VEPH1: variants seen among roughly 807,000 people sequenced by gnomAD.
The protein encoded by VEPH1 is ventricular zone expressed PH domain containing 1.
VEPH1 carries 80 observed loss-of-function variants against 85.2 expected under a neutral mutation model. The observed-to-expected ratio is 0.94, with a 90% CI of 0.78 to 1.13. VEPH1 has a LOEUF of 1.13. Ranked by LOEUF, VEPH1 falls within the 50% of genes most tolerant of loss-of-function variation. The pLI is 0.00. For synonymous variants in VEPH1, 297 were observed against 348.0 expected (o/e 0.85, Z 1.63); for missense variants, 955 against 980.5 (o/e 0.97, Z 0.35).
Position 157,413,893 on chromosome 3 carries a change from C to A in VEPH1, c.894G>T (p.Gly298=). ...GQMARIYGAV[G]HVDEERARSC... ...AAGCCAAACTTACTTCATCCACATG[C>A]CCAACAGCTCCATAAATCCTTGCCA... The change falls in exon 6 of 14, where the codon GGG becomes GGT. Residue 298 remains glycine (G), a synonymous_variant. Transcript: ENST00000362010. 1 of 1,613,248 alleles carries A rather than the reference C, an allele frequency of 6.2e-7. No individual in the cohort carries two copies. The highest frequency in any genetic ancestry group is 8.5e-7 in the Non-Finnish European group (1 of 1,179,456).
Position 157,411,231 on chromosome 3 carries a change from C to T in VEPH1, c.906+2650G>A, listed in dbSNP as rs140603342. Among the ~76,000 whole-genome samples, 451 of 152,260 alleles carry T rather than the reference C, an allele frequency of 3.0e-3. 8 individuals are homozygous for T. The East Asian group carries it at 0.044, about 15-fold the overall frequency. On this transcript the variant is annotated intron_variant, in intron 6 of 13. Coordinates refer to ENST00000362010, the MANE Select transcript of VEPH1 (RefSeq NM_001167912.2). ...GAGCCTGGGTCTCTGAAACATGGCA[C>T]TCTAGAGAGATTGCCTTCTAGACTT...
chr3:157,392,054 G>C (rs1488531052), intron 6 of VEPH1, among the ~76,000 whole-genome samples: 5 of 152,158 alleles, frequency 3.3e-5, no homozygotes, highest in Non-Finnish European at 7.4e-5. Flanking sequence ...GTTAACACTA[G>C]ATCAGCCTTA....
At chr3:157,403,217 G>A (rs1039344030) in intron 6 of VEPH1, among the ~76,000 whole-genome samples, 21 of 151,950 alleles carry the variant, frequency 1.4e-4, no homozygotes, top group African/African-American at 5.1e-4. Context: ...TTCTGGGAAT[G>A]CTTTCAGATC....
intron 7 of VEPH1, among the ~76,000 whole-genome samples, chr3:157,368,383 G>A (rs1480934474): frequency 6.6e-6 from 1 of 152,210 alleles, no homozygotes; most frequent in African/African-American, 2.4e-5. Context: ...GACACTCACT[G>A]ACCCCAAGAG....
At chr3:157,364,280 A>T (rs751468862) in intron 8 of VEPH1, 23 bp downstream of exon 8, 1 of 1,490,480 alleles carries the variant, frequency 6.7e-7, no homozygotes, top group South Asian at 1.2e-5. Flanking sequence ...TATGATTTAA[A>T]AAACAAACCA....
At chr3:157,369,189 A>C (rs1170708855) in intron 7 of VEPH1, among the ~76,000 whole-genome samples, 1 of 143,116 alleles carries the variant, frequency 7.0e-6, no homozygotes. Context: ...TGAAAAAAAA[A>C]AAAAAAAAAA....
intron 6 of VEPH1, among the ~76,000 whole-genome samples, chr3:157,397,009 C>G (rs1456310923): frequency 6.6e-6 from 1 of 152,170 alleles, no homozygotes; most frequent in African/African-American, 2.4e-5. Flanking sequence ...GAAATCTTTG[C>G]CCATGACTAT....
intron 8 of VEPH1, among the ~76,000 whole-genome samples, chr3:157,363,971 A>G (rs113671863): frequency 2.6e-5 from 4 of 152,318 alleles, no homozygotes; most frequent in African/African-American, 9.6e-5. Flanking sequence ...TTAAAAATCA[A>G]TTTCATGGCA....
In VEPH1 at chr3:157,405,082, G is replaced by A. The variant is rs147171324; in HGVS notation, c.906+8799C>T. On this transcript the variant is annotated intron_variant, in intron 6 of 13. Coordinates refer to ENST00000362010, the MANE Select transcript of VEPH1 (RefSeq NM_001167912.2). The stretch of plus-strand genomic sequence containing the variant: ...AGGAAAGTCAGATCGTCCTCCTCTG[G>A]AAGGAGGAAGATCAAGTCTGCGGGG... 8.5e-3 allele frequency among the ~76,000 whole-genome samples: 1,298 copies of A among 152,222 alleles called. 9 individuals are homozygous for A. The highest frequency in any genetic ancestry group is 0.013 in the Non-Finnish European group (916 of 68,002).
chr3:157,271,675 C>T (rs1233857457), intron 12 of VEPH1, among the ~76,000 whole-genome samples: 1 of 152,126 alleles, frequency 6.6e-6, no homozygotes, highest in Admixed American at 6.5e-5. Context: ...CTGGTGTCCC[C>T]AGTGGTGGAA....
At chr3:157,351,054 A>G (rs1016120766) in intron 9 of VEPH1, among the ~76,000 whole-genome samples, 1 of 152,232 alleles carries the variant, frequency 6.6e-6, no homozygotes, top group African/African-American at 2.4e-5. Context: ...TATATTGAAG[A>G]GACATTTGCG....
intron 7 of VEPH1, among the ~76,000 whole-genome samples, chr3:157,373,503 A>G (rs1203663188): frequency 6.6e-6 from 1 of 152,222 alleles, no homozygotes; most frequent in African/African-American, 2.4e-5. Context: ...GGCAACTTTA[A>G]AGTTCAATTA....
Position 157,261,292 on chromosome 3 carries a change from G to C in VEPH1, c.2344C>G (p.Arg782Gly), listed in dbSNP as rs199678437. The stretch of plus-strand genomic sequence containing the variant: ...ATTTCGAAAGCCCGGGGGAGAGAGC[G>C]GTCCCTGCGTTTCTTGGCCACAGCC... ...VKAVAKKRRD[R>G]SLPRAFEIFT... The change falls in exon 14 of 14, where the codon CGC (arginine) becomes GGC (glycine). Residue 782 changes from arginine (R) to glycine (G), a missense_variant. Physicochemically the swap from Arg to Gly is moderately radical, Grantham distance 125. Transcript: ENST00000362010. The C allele has an allele frequency of 1.2e-6, 2 of 1,613,654 alleles. No homozygotes were observed. The highest frequency in any genetic ancestry group is 1.7e-6 in the Non-Finnish European group (2 of 1,179,754).
chr3:157,315,191 G>A (rs1252362754), intron 10 of VEPH1, among the ~76,000 whole-genome samples: 1 of 151,904 alleles, frequency 6.6e-6, no homozygotes, highest in Non-Finnish European at 1.5e-5. Flanking sequence ...TCTATTTAGT[G>A]AATGAAGATT....
chr3:157,334,645 T>C (rs1033835856), intron 9 of VEPH1, among the ~76,000 whole-genome samples: 1 of 152,218 alleles, frequency 6.6e-6, no homozygotes, highest in African/African-American at 2.4e-5. Flanking sequence ...TTCAGAGTTT[T>C]ACAGCTTAAA....
chr3:157,355,182 T>C (rs1022379612), intron 9 of VEPH1, among the ~76,000 whole-genome samples: 4 of 152,240 alleles, frequency 2.6e-5, no homozygotes, highest in Non-Finnish European at 5.9e-5. Context: ...AGAACCGTGT[T>C]CCTTTTCTGC....
At chr3:157,358,048 C>G (rs1480774218) in intron 9 of VEPH1, among the ~76,000 whole-genome samples, 1 of 152,142 alleles carries the variant, frequency 6.6e-6, no homozygotes, top group East Asian at 1.9e-4. Context: ...CTGATGTCAA[C>G]TCATTAGAGC....
chr3:157,344,485 C>G (rs1215063363), intron 9 of VEPH1, among the ~76,000 whole-genome samples: 2 of 152,138 alleles, frequency 1.3e-5, no homozygotes, highest in African/African-American at 4.8e-5. Flanking sequence ...TGTGAAGGAC[C>G]TCTTCAAGGA....
chr3:157,404,301 G>A (rs984622701), intron 6 of VEPH1, among the ~76,000 whole-genome samples: 1 of 152,252 alleles, frequency 6.6e-6, no homozygotes, highest in Non-Finnish European at 1.5e-5. Context: ...TGCTTATGGT[G>A]GGTTGGGAGT....
Sources: gnomAD v4.1 joint callset for allele counts (sites outside exome capture counted in the v4.1 genomes callset) on GRCh38, gnomAD v4.1.1 for gene constraint, MANE v1.5 for transcripts, NCBI Gene and HGNC (gene_info 2026-07-23, HGNC 2026-07-21) for gene names.